The following ASPRV1 variants were observed in gnomAD, a reference collection of about 807,000 sequenced individuals.
ASPRV1 encodes the protein retroviral-like aspartic protease 1.
ASPRV1 carries 7 observed loss-of-function variants against 11.0 expected under a neutral mutation model. That is an observed-to-expected ratio of 0.64 (90% CI 0.36 to 1.20). The LOEUF is 1.20. ASPRV1 is among the 50% of genes most tolerant of loss of function. The pLI is 0.02. For missense variants in ASPRV1, 299 were observed against 320.0 expected (o/e 0.93, Z 0.50); for synonymous variants, 136 against 138.4 (o/e 0.98, Z 0.12).
At chr2:70,064,823 G>A in the ASPRV1 span, among the ~76,000 whole-genome samples, 1 of 152,226 alleles carries the variant, frequency 6.6e-6, no homozygotes, top group Non-Finnish European at 1.5e-5. Flanking sequence ...GCCAGGCACA[G>A]TGGCTCACAC....
chr2:70,034,138 G>A, the ASPRV1 span, among the ~76,000 whole-genome samples: 2 of 124,098 alleles, frequency 1.6e-5, no homozygotes, highest in Non-Finnish European at 3.2e-5. Context: ...CTGAGCGACA[G>A]CGAGACTCCA....
At chr2:69,961,895 G>T, upstream of ASPRV1, 1 of 504,486 alleles carries the variant, frequency 2.0e-6, no homozygotes, top group Non-Finnish European at 3.6e-6. Context: ...ATGAGGACAC[G>T]GAGGATGTGA....
the ASPRV1 span, among the ~76,000 whole-genome samples, chr2:69,946,588 C>T: frequency 6.6e-6 from 1 of 152,180 alleles, no homozygotes. Flanking sequence ...AGAGAACGTT[C>T]GAACACTGTC....
the ASPRV1 span, among the ~76,000 whole-genome samples, chr2:69,951,401 G>A: frequency 1.4e-5 from 2 of 142,880 alleles, no homozygotes; most frequent in Admixed American, 1.4e-4. Flanking sequence ...TCCAGCCTGG[G>A]CAACAGAGCA....
At chr2:69,998,209 CT>C in the ASPRV1 span, 1 of 151,516 alleles carries the variant, frequency 6.6e-6, no homozygotes, top group Non-Finnish European at 1.5e-5. Flanking sequence ...CCAATAGCTT[CT>C]TAACGCTAAA....
At chr2:70,028,784 C>T in the ASPRV1 span, among the ~76,000 whole-genome samples, 1 of 151,808 alleles carries the variant, frequency 6.6e-6, no homozygotes, top group Non-Finnish European at 1.5e-5. Flanking sequence ...TGGGATGACG[C>T]AACAAAAAAT....
the ASPRV1 span, chr2:70,032,260 G>C: frequency 1.3e-5 from 2 of 152,196 alleles, no homozygotes; most frequent in African/African-American, 4.8e-5. Flanking sequence ...TCCTCCCTAA[G>C]GAATGAGCAA....
At chr2:70,019,498 T>C in the ASPRV1 span, among the ~76,000 whole-genome samples, 1 of 151,430 alleles carries the variant, frequency 6.6e-6, no homozygotes, top group Non-Finnish European at 1.5e-5. Flanking sequence ...ATAGCCAAGA[T>C]ATAAAATCAA....
the ASPRV1 span, among the ~76,000 whole-genome samples, chr2:69,944,392 G>A: frequency 3.3e-5 from 5 of 152,354 alleles, no homozygotes; most frequent in East Asian, 9.6e-4. Context: ...AGTGCTAAGG[G>A]CTGGGTGCGC....
At chr2:69,975,130 GA>G in the ASPRV1 span, among the ~76,000 whole-genome samples, 1 of 152,240 alleles carries the variant, frequency 6.6e-6, no homozygotes, top group Non-Finnish European at 1.5e-5. Context: ...CAGAGGCACA[GA>G]AAGCTGCAAA....
chr2:69,994,376 C>T, the ASPRV1 span: 2 of 152,350 alleles, frequency 1.3e-5, no homozygotes, highest in African/African-American at 4.8e-5. Flanking sequence ...CCTCCTGACA[C>T]AGCATCTGTG....
chr2:69,964,349 C>T (rs940577760), upstream of ASPRV1: 22 of 455,878 alleles, frequency 4.8e-5, no homozygotes, highest in African/African-American at 2.2e-4. Context: ...AACAGAAACA[C>T]GCAGGGGCCT....
the ASPRV1 span, among the ~76,000 whole-genome samples, chr2:69,982,571 T>A: frequency 6.6e-6 from 1 of 152,138 alleles, no homozygotes; most frequent in African/African-American, 2.4e-5. Context: ...GTACCAGCTG[T>A]ACTAAAGAAA....
At chr2:69,951,760 A>C in the ASPRV1 span, among the ~76,000 whole-genome samples, 1 of 152,038 alleles carries the variant, frequency 6.6e-6, no homozygotes, top group South Asian at 2.1e-4. Context: ...TTGGAGTTTT[A>C]GGGGGGTTTT....
chr2:69,964,428 C>A, upstream of ASPRV1: 1 of 427,060 alleles, frequency 2.3e-6, no homozygotes, highest in South Asian at 1.7e-5. Context: ...CTGTCTCTGG[C>A]TAGGATCAGG....
the ASPRV1 span, chr2:70,087,202 C>T: frequency 1.3e-5 from 2 of 152,300 alleles, no homozygotes; most frequent in African/African-American, 4.8e-5. Context: ...GCATACACAG[C>T]ACTAGTATTT....
chr2:70,030,133 G>A, the ASPRV1 span: 1 of 152,212 alleles, frequency 6.6e-6, no homozygotes, highest in African/African-American at 2.4e-5. Context: ...AAAAGCCTTT[G>A]GTAGTTTCAC....
downstream of ASPRV1, among the ~76,000 whole-genome samples, chr2:69,955,402 C>T (rs1052254751): frequency 3.3e-5 from 5 of 152,228 alleles, no homozygotes; most frequent in Admixed American, 6.5e-5. Context: ...TCCACTCTCC[C>T]GCCAGCAGCT....
At chr2:70,044,107 A>G in the ASPRV1 span, among the ~76,000 whole-genome samples, 1 of 151,882 alleles carries the variant, frequency 6.6e-6, no homozygotes, top group East Asian at 1.9e-4. Flanking sequence ...TCAGAAATCA[A>G]TCTTATAAAC....
Sources: gnomAD v4.1 joint callset for allele counts (sites outside exome capture counted in the v4.1 genomes callset) on GRCh38, gnomAD v4.1.1 for gene constraint, MANE v1.5 for transcripts, NCBI Gene and HGNC (gene_info 2026-07-23, HGNC 2026-07-21) for gene names.